MAP4K5: variants seen among roughly 807,000 people sequenced by gnomAD.
MAP4K5 encodes the protein mitogen-activated protein kinase kinase kinase kinase 5.
A neutral mutation model predicts 135.6 loss-of-function variants in MAP4K5; 82 were observed. That is an observed-to-expected ratio of 0.60 (90% CI 0.51 to 0.73). The LOEUF is 0.73. MAP4K5 is among the 30% of genes least tolerant of loss of function. The probability of loss-of-function intolerance (pLI) is 0.00; values close to 1 mark genes in which losing one functional copy is unlikely to be tolerated. For synonymous variants in MAP4K5, 347 were observed against 335.0 expected (o/e 1.04, Z -0.39); for missense variants, 907 against 1,010.9 (o/e 0.90, Z 1.39).
At chr14:50,511,415 GA>G (rs924996724) in intron 2 of MAP4K5, among the ~76,000 whole-genome samples, 11 of 152,114 alleles carry the variant, frequency 7.2e-5, no homozygotes, top group African/African-American at 2.7e-4. Flanking sequence ...AGGGTAGGGG[GA>G]AGGGAGGAAT....
intron 2 of MAP4K5, among the ~76,000 whole-genome samples, chr14:50,508,535 G>A (rs1272247445): frequency 6.6e-6 from 1 of 152,026 alleles, no homozygotes; most frequent in Non-Finnish European, 1.5e-5. Flanking sequence ...TTGGACACAG[G>A]GTGGAGAACA....
intron 28 of MAP4K5, among the ~76,000 whole-genome samples, chr14:50,432,535 C>A (rs889292270): frequency 8.1e-6 from 1 of 123,132 alleles, no homozygotes; most frequent in Admixed American, 8.2e-5. Flanking sequence ...CATTAAAAAA[C>A]AAAGCAAACA....
chr14:50,434,380 T>C lies in MAP4K5; in HGVS notation c.2164+14A>G. On this transcript the variant is annotated intron_variant, in intron 28 of 32. Transcript: ENST00000682126. ...AAAATATCAATATTCTAACATAAGG[T>C]AAAAAATACTTACCTGCACCAATTT... 6.3e-7 allele frequency: 1 copy of C among 1,577,934 alleles called. No homozygotes were observed.
chr14:50,533,517 T>G (rs1242718611), upstream of MAP4K5: 1 of 152,146 alleles, frequency 6.6e-6, no homozygotes, highest in Non-Finnish European at 1.5e-5. Flanking sequence ...TGGCTGATAT[T>G]TCACAAGCTG....
Position 50,446,090 on chromosome 14 carries a change from G to C in MAP4K5, c.1174C>G (p.Leu392Val), listed in dbSNP as rs185572297. The change falls in exon 17 of 33, where the codon CTA becomes GTA. Residue 392 changes from leucine to valine, a missense_variant. Physicochemically the swap from Leu to Val is conservative, Grantham distance 32 (BLOSUM62 1). Coordinates refer to ENST00000682126, the MANE Select transcript of MAP4K5 (RefSeq NM_006575.6). ...ATTAAGTAGCTCACCTTAGGAGGTA[G>C]GGGAGGTGGTATTGCACGTTTTGAG... ...STSKRAIPPP[L>V]PPKPRISSYP... The C allele has an allele frequency of 6.4e-7, 1 of 1,569,328 alleles. No homozygotes were observed. Among genetic ancestry groups the C allele is most frequent in the East Asian group, 2.4e-5 (1 of 41,770 alleles).
rs550065570 is a variant in MAP4K5, at chr14:50,421,933, CCAGG to C, written c.2453+1184_2453+1187del. 6.3e-4 allele frequency among the ~76,000 whole-genome samples: 95 copies of C among 151,798 alleles called. No individual in the cohort carries two copies. In the South Asian group the frequency reaches 0.018, roughly 29 times the overall value. On this transcript the variant is annotated intron_variant, in intron 32 of 32. Transcript: ENST00000682126. Reference sequence around the variant, plus strand: ...TTTAGACAGAGTCTTGCTCTGTCGCCCAGGCTGAAGTGCAGTGGTGCGATCTTGG... The same window carrying C: ...TTTAGACAGAGTCTTGCTCTGTCGCCCTGAAGTGCAGTGGTGCGATCTTGG...
At chr14:50,526,196 C>T (rs1426234243) in intron 2 of MAP4K5, among the ~76,000 whole-genome samples, 2 of 152,222 alleles carry the variant, frequency 1.3e-5, no homozygotes, top group Non-Finnish European at 2.9e-5. Context: ...ACACTCCTCT[C>T]TCTCCCTTCC....
At chr14:50,555,835 C>T (rs929661684) in intron 1 of MAP4K5, among the ~76,000 whole-genome samples, 4 of 152,020 alleles carry the variant, frequency 2.6e-5, no homozygotes, top group Non-Finnish European at 5.9e-5. Context: ...TTTGTGTTAC[C>T]GCCAAAAGCA....
At chr14:50,550,147 C>T (rs1211557158) in intron 1 of MAP4K5, among the ~76,000 whole-genome samples, 1 of 152,174 alleles carries the variant, frequency 6.6e-6, no homozygotes, top group Non-Finnish European at 1.5e-5. Flanking sequence ...ATCAGCAGCA[C>T]TGATGCCTGC....
At chr14:50,454,093 A>G (rs1209380972) in intron 14 of MAP4K5, among the ~76,000 whole-genome samples, 1 of 152,208 alleles carries the variant, frequency 6.6e-6, no homozygotes, top group Non-Finnish European at 1.5e-5. Context: ...ACTACAGTGT[A>G]GTGAAAACTG....
chr14:50,518,702 A>G (rs2038085390), intron 2 of MAP4K5, among the ~76,000 whole-genome samples: 1 of 152,176 alleles, frequency 6.6e-6, no homozygotes, highest in African/African-American at 2.4e-5. Context: ...CTTCCGCCCA[A>G]TCTATTAGGA....
chr14:50,559,686 A>G (rs1254524726), intron 1 of MAP4K5: 1 of 153,694 alleles, frequency 6.5e-6, no homozygotes, highest in Non-Finnish European at 1.4e-5. Context: ...ACTACTCAGT[A>G]TACATATACA....
chr14:50,524,677 A>T (rs1292198719), intron 2 of MAP4K5, among the ~76,000 whole-genome samples: 1 of 152,132 alleles, frequency 6.6e-6, no homozygotes, highest in Non-Finnish European at 1.5e-5. Flanking sequence ...GAAGAGAAAG[A>T]GTGTTCTAAA....
intron 21 of MAP4K5, 121 bp from the exon 22 acceptor site, chr14:50,440,562 T>C (rs1031636571): frequency 8.2e-5 from 45 of 549,346 alleles, no homozygotes; most frequent in African/African-American, 7.2e-4. Context: ...AAAATAAAAT[T>C]ATTTTCTTAA....
intron 2 of MAP4K5, among the ~76,000 whole-genome samples, chr14:50,517,038 TTTGA>T (rs1341606959): frequency 1.3e-5 from 2 of 152,208 alleles, no homozygotes; most frequent in East Asian, 1.9e-4. Flanking sequence ...TATTATTTAC[TTTGA>T]TTATGTGCTC....
At chr14:50,494,900 AC>A (rs1462763939) in intron 3 of MAP4K5, among the ~76,000 whole-genome samples, 3 of 152,160 alleles carry the variant, frequency 2.0e-5, no homozygotes, top group African/African-American at 7.2e-5. Context: ...ATAAAGTTGG[AC>A]CCCTGCCTTA....
chr14:50,531,877 G>A, intron 2 of MAP4K5, 65 bp downstream of exon 2: 2 of 1,144,556 alleles, frequency 1.7e-6, no homozygotes, highest in East Asian at 2.6e-5. Flanking sequence ...ATACTTCGCA[G>A]GAAAGTGGCC....
intron 11 of MAP4K5, 119 bp downstream of exon 11, chr14:50,466,464 C>A: frequency 2.4e-5 from 9 of 371,490 alleles, no homozygotes; most frequent in East Asian, 1.6e-4. Flanking sequence ...AGCTGTGTAA[C>A]TTTGAGAAAA....
intron 1 of MAP4K5, chr14:50,560,431 G>C (rs1002197713): frequency 6.5e-6 from 8 of 1,226,016 alleles, no homozygotes; most frequent in Admixed American, 6.1e-5. Flanking sequence ...GGCCGTAGCC[G>C]AGCCGCTCCC....
Sources: gnomAD v4.1 joint callset for allele counts (sites outside exome capture counted in the v4.1 genomes callset) on GRCh38, gnomAD v4.1.1 for gene constraint, MANE v1.5 for transcripts, NCBI Gene and HGNC (gene_info 2026-07-23, HGNC 2026-07-21) for gene names.